ZFPM2: variants seen among roughly 807,000 people sequenced by gnomAD.
ZFPM2 encodes the protein zinc finger protein ZFPM2.
In ZFPM2, 20 loss-of-function variants were observed where a neutral mutation model predicts 98.6. The observed-to-expected ratio is 0.20, with a 90% confidence interval of 0.14 to 0.29. ZFPM2 has a LOEUF of 0.29. Among genes scored for constraint, ZFPM2 ranks in the 10% least tolerant of loss-of-function variants. ZFPM2 has a pLI of 1.00. For missense variants in ZFPM2, 1,310 were observed against 1,388.6 expected, an observed-to-expected ratio of 0.94 and a Z score of 0.90; for synonymous variants, 518 against 502.7, an observed-to-expected ratio of 1.03 and a Z score of -0.41.
chr8:105,533,859 C>T (rs867694973), intron 3 of ZFPM2, among the ~76,000 whole-genome samples: 1 of 29,002 alleles, frequency 3.4e-5, no homozygotes, highest in Non-Finnish European at 5.7e-5. Flanking sequence ...CTTCCTTCCT[C>T]CCTTTCTCCC....
rs1812138771 is a variant in ZFPM2, at chr8:105,327,655, T to C, written c.40+8674T>C. Among the ~76,000 whole-genome samples the C allele has an allele frequency of 3.3e-5, 5 of 151,882 alleles. No individual in the cohort carries two copies. In the South Asian group the frequency reaches 1.0e-3, roughly 31 times the overall value. On this transcript the variant is annotated intron_variant, in intron 1 of 7. Coordinates refer to ENST00000407775, the MANE Select transcript of ZFPM2 (RefSeq NM_012082.4). ...TGTAAATAAAAAATACACTCAATTT[T>C]GTCCATTTTCCCTTTGCATGCTACA...
At chr8:105,413,624 T>C (rs1811624469) in intron 1 of ZFPM2, among the ~76,000 whole-genome samples, 1 of 151,524 alleles carries the variant, frequency 6.6e-6, no homozygotes, top group Non-Finnish European at 1.5e-5. Context: ...TTTCTTTGCC[T>C]GTCCATTCCT....
At chr8:105,372,293 C>T (rs1159284567) in intron 1 of ZFPM2, among the ~76,000 whole-genome samples, 8 of 151,954 alleles carry the variant, frequency 5.3e-5, no homozygotes, top group Non-Finnish European at 1.2e-4. Flanking sequence ...CCACCTGCCT[C>T]GGCCTCCCAA....
chr8:105,488,004 C>T (rs570836746), intron 3 of ZFPM2, among the ~76,000 whole-genome samples: 2 of 151,572 alleles, frequency 1.3e-5, no homozygotes, highest in East Asian at 1.9e-4. Flanking sequence ...AAATTGAGAG[C>T]GAAGGTGCAG....
intron 4 of ZFPM2, among the ~76,000 whole-genome samples, chr8:105,615,027 T>C (rs1314407957): frequency 1.3e-5 from 2 of 152,138 alleles, no homozygotes; most frequent in Non-Finnish European, 2.9e-5. Context: ...TAGAATAGTG[T>C]GATTTGGCCC....
intron 5 of ZFPM2, among the ~76,000 whole-genome samples, chr8:105,727,882 A>ACATGGTTG: frequency 6.6e-6 from 1 of 151,572 alleles, no homozygotes; most frequent in Admixed American, 6.6e-5. Context: ...GTTCAACAGC[A>ACATGGTTG]GACAAAGGAA....
intron 2 of ZFPM2, among the ~76,000 whole-genome samples, chr8:105,420,043 C>A (rs975934346): frequency 1.3e-5 from 2 of 152,108 alleles, no homozygotes; most frequent in African/African-American, 4.8e-5. Flanking sequence ...TTTATCTCCT[C>A]CTGCACCAAT....
At chr8:105,634,446 A>T (rs1816810660) in intron 5 of ZFPM2, 89 bp downstream of exon 5, 4 of 1,041,952 alleles carry the variant, frequency 3.8e-6, no homozygotes, top group African/African-American at 3.2e-5. Flanking sequence ...ATGGAAGTAC[A>T]AAGTATAAAT....
intron 5 of ZFPM2, 105 bp downstream of exon 5, chr8:105,634,462 C>A (rs558004008): frequency 2.2e-6 from 2 of 893,452 alleles, no homozygotes; most frequent in South Asian, 3.2e-5. Context: ...TAAATTGATC[C>A]TCTTCCTTTT....
At chr8:105,449,658 G>A (rs1211406166) in intron 3 of ZFPM2, among the ~76,000 whole-genome samples, 1 of 151,954 alleles carries the variant, frequency 6.6e-6, no homozygotes, top group Non-Finnish European at 1.5e-5. Flanking sequence ...CATTCCCTCT[G>A]TTTATATCTT....
chr8:105,360,728 GT>G (rs1253355271), intron 1 of ZFPM2, among the ~76,000 whole-genome samples: 1 of 146,692 alleles, frequency 6.8e-6, no homozygotes, highest in South Asian at 2.2e-4. Context: ...GCGGTGTTTG[GT>G]TTTTTGTTCT....
chr8:105,777,367 G>A (rs1340164290), intron 5 of ZFPM2, among the ~76,000 whole-genome samples: 1 of 152,100 alleles, frequency 6.6e-6, no homozygotes, highest in Non-Finnish European at 1.5e-5. Context: ...AGTGTATTTG[G>A]CAAATAGTTT....
intron 1 of ZFPM2, among the ~76,000 whole-genome samples, chr8:105,400,510 GA>G (rs1181114397): frequency 6.6e-6 from 1 of 151,888 alleles, no homozygotes; most frequent in Admixed American, 6.6e-5. Context: ...TTTTTTAAAT[GA>G]TACAAAAGAA....
rs1812907091 is a variant in ZFPM2, at chr8:105,471,696, C to T, written c.301+27315C>T. Reference sequence around the variant, plus strand: ...GAACCTTTTACATCCTCTCCAAATCCAAATAGAAACTTGCTTGTTGAGAAT... The same window carrying T: ...GAACCTTTTACATCCTCTCCAAATCTAAATAGAAACTTGCTTGTTGAGAAT... On this transcript the variant is annotated intron_variant, in intron 3 of 7. Transcript: ENST00000407775. Among the ~76,000 whole-genome samples the T allele has an allele frequency of 2.6e-5, 4 of 152,078 alleles. No homozygotes were observed. The South Asian group carries it at 8.3e-4, about 32-fold the overall frequency.
chr8:105,653,475 C>A (rs1817220534), intron 5 of ZFPM2, among the ~76,000 whole-genome samples: 2 of 152,192 alleles, frequency 1.3e-5, no homozygotes, highest in Admixed American at 1.3e-4. Flanking sequence ...TGACTAATGT[C>A]TTACTACTTA....
intron 3 of ZFPM2, among the ~76,000 whole-genome samples, chr8:105,522,500 G>A (rs1159064612): frequency 5.3e-5 from 8 of 152,140 alleles, no homozygotes; most frequent in Admixed American, 1.3e-4. Context: ...GGCTGGGCGC[G>A]GTGGCTCACG....
intron 4 of ZFPM2, among the ~76,000 whole-genome samples, chr8:105,564,126 G>T (rs1410362545): frequency 6.6e-6 from 1 of 151,720 alleles, no homozygotes; most frequent in Non-Finnish European, 1.5e-5. Context: ...TATTTTAATA[G>T]TTCTATATGA....
intron 5 of ZFPM2, among the ~76,000 whole-genome samples, chr8:105,726,966 C>T (rs1045586011): frequency 5.3e-5 from 8 of 151,570 alleles, no homozygotes; most frequent in African/African-American, 1.9e-4. Context: ...AGGAATGTGA[C>T]AAGCTTAGTC....
At chr8:105,739,859 A>T (rs1445003071) in intron 5 of ZFPM2, among the ~76,000 whole-genome samples, 1 of 152,060 alleles carries the variant, frequency 6.6e-6, no homozygotes, top group South Asian at 2.1e-4. Flanking sequence ...AGCAATGCCC[A>T]TACAAATAAT....
Sources: gnomAD v4.1 joint callset for allele counts (sites outside exome capture counted in the v4.1 genomes callset) on GRCh38, gnomAD v4.1.1 for gene constraint, MANE v1.5 for transcripts, NCBI Gene and HGNC (gene_info 2026-07-23, HGNC 2026-07-21) for gene names.